The following ARHGAP18 variants were observed in gnomAD, a reference collection of about 807,000 sequenced individuals.
The protein encoded by ARHGAP18 is rho GTPase-activating protein 18.
A neutral mutation model predicts 86.2 loss-of-function variants in ARHGAP18; 67 were observed. That is an observed-to-expected ratio of 0.78 (90% CI 0.64 to 0.95). The LOEUF is 0.95. Among genes scored for constraint, ARHGAP18 ranks in the 40% least tolerant of loss-of-function variants. The pLI is 0.00. For synonymous variants in ARHGAP18, 283 were observed against 280.4 expected (o/e 1.01, Z -0.09); for missense variants, 691 against 780.4 (o/e 0.89, Z 1.37).
chr6:129,587,788 G>C (rs1006433848), intron 12 of ARHGAP18, among the ~76,000 whole-genome samples: 2 of 152,066 alleles, frequency 1.3e-5, no homozygotes, highest in Non-Finnish European at 2.9e-5. Flanking sequence ...GATTTGGGTG[G>C]GGACACAGCC....
chr6:129,709,995 T>G, intron 1 of ARHGAP18, 29 bp downstream of exon 1: 1 of 1,567,460 alleles, frequency 6.4e-7, no homozygotes, highest in Non-Finnish European at 8.8e-7. Context: ...AAGAGGGTTT[T>G]GTTTTGTTTT....
At chr6:129,596,413 T>C (rs1788617169) in intron 12 of ARHGAP18, among the ~76,000 whole-genome samples, 1 of 152,152 alleles carries the variant, frequency 6.6e-6, no homozygotes, top group Non-Finnish European at 1.5e-5. Context: ...ATGAATAATA[T>C]CCAGACCATC....
chr6:129,618,959 A>G (rs1789154538), intron 5 of ARHGAP18, 107 bp from the exon 6 acceptor site: 2 of 1,003,534 alleles, frequency 2.0e-6, no homozygotes, highest in African/African-American at 1.6e-5. Flanking sequence ...AGAATAAGTG[A>G]TAAGAAAAGC....
intron 12 of ARHGAP18, among the ~76,000 whole-genome samples, chr6:129,584,937 G>A (rs888760985): frequency 6.6e-6 from 1 of 150,690 alleles, no homozygotes; most frequent in African/African-American, 2.4e-5. Flanking sequence ...CTGAGTACCA[G>A]ATATTGTACT....
At chr6:129,695,909 C>A (rs1255914356) in intron 1 of ARHGAP18, among the ~76,000 whole-genome samples, 1 of 152,080 alleles carries the variant, frequency 6.6e-6, no homozygotes, top group African/African-American at 2.4e-5. Flanking sequence ...AGTCACGTAT[C>A]CTCTCCCTTT....
At chr6:129,584,159 C>T (rs753558157) in intron 12 of ARHGAP18, 47 bp from the exon 13 acceptor site, 77 of 1,609,974 alleles carry the variant, frequency 4.8e-5, no homozygotes, top group Non-Finnish European at 5.9e-5. Flanking sequence ...GCAGCTGGAA[C>T]GTGTAACTCT....
intron 7 of ARHGAP18, among the ~76,000 whole-genome samples, chr6:129,615,320 G>A (rs1034407949): frequency 2.0e-5 from 3 of 152,196 alleles, no homozygotes; most frequent in Non-Finnish European, 4.4e-5. Context: ...GGGATCAACT[G>A]TATAGAACAA....
intron 12 of ARHGAP18, among the ~76,000 whole-genome samples, chr6:129,598,421 A>G (rs1254327415): frequency 6.6e-6 from 1 of 152,236 alleles, no homozygotes; most frequent in African/African-American, 2.4e-5. Context: ...GCATTTTCAC[A>G]TTATTCCACA....
At chr6:129,584,239 C>T (rs771847734) in intron 12 of ARHGAP18, 127 bp from the exon 13 acceptor site, 247 of 1,331,248 alleles carry the variant, frequency 1.9e-4, no homozygotes, top group Non-Finnish European at 2.4e-4. Context: ...ACCTTAACTA[C>T]TGTATAATGT....
chr6:129,596,089 C>CA (rs1374944914), intron 12 of ARHGAP18, among the ~76,000 whole-genome samples: 1 of 152,150 alleles, frequency 6.6e-6, no homozygotes, highest in Non-Finnish European at 1.5e-5. Flanking sequence ...ATTCTCAACA[C>CA]AACAGCCTAA....
chr6:129,704,317 C>T (rs1161880372), intron 1 of ARHGAP18, among the ~76,000 whole-genome samples: 1 of 152,008 alleles, frequency 6.6e-6, no homozygotes, highest in Non-Finnish European at 1.5e-5. Flanking sequence ...TGGTAGCAGG[C>T]ACCTGTAATC....
chr6:129,605,331 G>A (rs966498506), intron 10 of ARHGAP18, among the ~76,000 whole-genome samples: 5 of 152,114 alleles, frequency 3.3e-5, no homozygotes, highest in South Asian at 2.1e-4. Flanking sequence ...CAGAAACTCC[G>A]GATGAACCCT....
rs111598570 is a variant in ARHGAP18, at chr6:129,588,225, C to A, written c.1714-4113G>T. ...CTCTGCCTCCTGGGTTCAAGCGATT[C>A]TCCTGCCTCATCCTCCCGAGTAGCT... On this transcript the variant is annotated intron_variant, in intron 12 of 14. Transcript: ENST00000368149. Among the ~76,000 whole-genome samples the A allele has an allele frequency of 7.5e-3, 1,134 of 151,422 alleles. 12 individuals carry two copies. The highest frequency in any genetic ancestry group is 0.026 in the African/African-American group (1,084 of 41,146).
chr6:129,584,159 C>A (rs753558157), intron 12 of ARHGAP18, 47 bp from the exon 13 acceptor site: 6 of 1,609,974 alleles, frequency 3.7e-6, no homozygotes, highest in Non-Finnish European at 5.1e-6. Context: ...GCAGCTGGAA[C>A]GTGTAACTCT....
intron 1 of ARHGAP18, among the ~76,000 whole-genome samples, chr6:129,656,052 T>C (rs1384057755): frequency 6.6e-6 from 1 of 152,230 alleles, no homozygotes; most frequent in African/African-American, 2.4e-5. Flanking sequence ...AGTTCTTGCT[T>C]GTTAATAATA....
At chr6:129,648,666 A>G (rs1242031254) in intron 1 of ARHGAP18, among the ~76,000 whole-genome samples, 1 of 151,988 alleles carries the variant, frequency 6.6e-6, no homozygotes, top group Non-Finnish European at 1.5e-5. Context: ...GTTTTTTAAG[A>G]AACTTTGTTT....
chr6:129,643,576 T>G (rs1303275307), intron 1 of ARHGAP18, among the ~76,000 whole-genome samples: 1 of 152,168 alleles, frequency 6.6e-6, no homozygotes, highest in Non-Finnish European at 1.5e-5. Context: ...AGCGTGAGAA[T>G]GGACTAACAA....
chr6:129,696,157 C>T (rs1225287514), intron 1 of ARHGAP18, among the ~76,000 whole-genome samples: 1 of 152,148 alleles, frequency 6.6e-6, no homozygotes, highest in Non-Finnish European at 1.5e-5. Context: ...TCACAGGTAA[C>T]ATGTGATCTC....
intron 8 of ARHGAP18, among the ~76,000 whole-genome samples, chr6:129,609,996 T>C (rs1788944385): frequency 6.6e-6 from 1 of 152,158 alleles, no homozygotes; most frequent in East Asian, 1.9e-4. Flanking sequence ...AAGAAACACT[T>C]AGTCCTGATC....
Sources: allele counts gnomAD v4.1 joint callset (sites outside exome capture counted in the v4.1 genomes callset), GRCh38; gene constraint gnomAD v4.1.1; transcripts MANE v1.5; gene names NCBI Gene and HGNC (gene_info 2026-07-23, HGNC 2026-07-21).